Variants in NLGN1 observed in about 807,000 individuals in gnomAD.
NLGN1 encodes neuroligin 1.
In NLGN1, 12 loss-of-function variants were observed where a neutral mutation model predicts 65.5. The observed-to-expected ratio is 0.18, with a 90% CI of 0.12 to 0.30. The LOEUF is 0.30. Ranked by LOEUF, NLGN1 falls within the 10% of genes least tolerant of loss-of-function variation. The pLI is 1.00. For synonymous variants in NLGN1, 350 were observed against 359.5 expected (o/e 0.97, Z 0.30); for missense variants, 750 against 1,007.1 (o/e 0.74, Z 3.46).
At chr3:173,615,955 T>G (rs1752995065) in intron 3 of NLGN1, among the ~76,000 whole-genome samples, 1 of 151,708 alleles carries the variant, frequency 6.6e-6, no homozygotes, top group Non-Finnish European at 1.5e-5. Flanking sequence ...GATACTGAGA[T>G]AAAAAAAGGC....
At chr3:173,661,406 A>G (rs1193500414) in intron 3 of NLGN1, among the ~76,000 whole-genome samples, 2 of 151,936 alleles carry the variant, frequency 1.3e-5, no homozygotes, top group Admixed American at 6.6e-5. Context: ...GAGCATTTGG[A>G]TTTGACTGTA....
chr3:173,640,102 A>G (rs1757174426), intron 3 of NLGN1, among the ~76,000 whole-genome samples: 2 of 152,210 alleles, frequency 1.3e-5, no homozygotes, highest in Admixed American at 6.5e-5. Context: ...AACGGGGTGC[A>G]TAATATAATG....
At chr3:173,717,526 C>T (rs1770070332) in intron 3 of NLGN1, among the ~76,000 whole-genome samples, 1 of 152,084 alleles carries the variant, frequency 6.6e-6, no homozygotes, top group Non-Finnish European at 1.5e-5. Context: ...GTTACCTGTG[C>T]TTGTAGGTTA....
Position 173,762,965 on chromosome 3 carries a change from T to TATACACAC in NLGN1, c.494-44714_494-44713insTACACACA, listed in dbSNP as rs1553841358. Reference sequence around the variant, plus strand: ...TGGGATTGTGTAAATTTGTCTCTGATACACACACACACACACACACACACA... The same window carrying TATACACAC: ...TGGGATTGTGTAAATTTGTCTCTGATATACACACACACACACACACACACACACACACA... On this transcript the variant is annotated intron_variant, in intron 3 of 6. Transcript: ENST00000457714. Among the ~76,000 whole-genome samples the TATACACAC allele has an allele frequency of 2.1e-5, 3 of 143,360 alleles. No homozygotes were observed. The East Asian group carries it at 6.3e-4, about 30-fold the overall frequency. 94.0% of individuals were successfully genotyped at this position (143,360 alleles called of 152,430 possible).
downstream of NLGN1, among the ~76,000 whole-genome samples, chr3:174,288,495 C>CT (rs1177735064): frequency 1.1e-4 from 17 of 150,732 alleles, no homozygotes; most frequent in African/African-American, 2.7e-4. Flanking sequence ...ATTTCTTGCT[C>CT]TTTTTTTTTC....
chr3:174,059,451 G>A (rs779944523), intron 4 of NLGN1, among the ~76,000 whole-genome samples: 1 of 152,112 alleles, frequency 6.6e-6, no homozygotes, highest in Non-Finnish European at 1.5e-5. Context: ...CAACAAAGGA[G>A]TTAAGTAATC....
At chr3:173,477,705 A>G (rs973011186) in intron 2 of NLGN1, among the ~76,000 whole-genome samples, 2 of 152,192 alleles carry the variant, frequency 1.3e-5, no homozygotes, top group Non-Finnish European at 2.9e-5. Flanking sequence ...TAAGAAGTTC[A>G]TCATGCATTT....
chr3:173,972,426 A>G lies in NLGN1; in HGVS notation c.646+164594A>G, dbSNP rs79977450. ...AATGAATGCAAAGGCGCAGAAGAAC[A>G]TAGAAATAAATAATGTACAAATCAC... On this transcript the variant is annotated intron_variant, in intron 4 of 6. Coordinates refer to ENST00000457714, the Ensembl canonical transcript of NLGN1. Among the ~76,000 whole-genome samples, 399 of 152,288 alleles carry G rather than the reference A, an allele frequency of 2.6e-3. 7 individuals carry two copies. The East Asian group carries it at 0.039, about 15-fold the overall frequency.
At position 174,272,203 on chromosome 3, in the gene NLGN1, A is replaced by G. The variant is rs552597669; in HGVS notation, c.647-3112A>G. Among the ~76,000 whole-genome samples, 4 of 151,844 alleles carry G rather than the reference A, an allele frequency of 2.6e-5. No homozygotes were observed. The East Asian group carries it at 7.8e-4, about 29-fold the overall frequency. ...ATGAAGTGAGGACTCTGCAAAATTG[A>G]GTTCCCCCAATGACTGGACTATAGT... On this transcript the variant is annotated intron_variant, in intron 4 of 6. Coordinates refer to ENST00000457714, the Ensembl canonical transcript of NLGN1.
At chr3:173,418,083 CATAA>C (rs1364949412) in intron 1 of NLGN1, among the ~76,000 whole-genome samples, 1 of 150,754 alleles carries the variant, frequency 6.6e-6, no homozygotes, top group Admixed American at 6.6e-5. Context: ...AGTATATATA[CATAA>C]ATAAAATATA....
intron 4 of NLGN1, among the ~76,000 whole-genome samples, chr3:173,827,026 A>G (rs1371442351): frequency 6.6e-6 from 1 of 152,074 alleles, no homozygotes; most frequent in Non-Finnish European, 1.5e-5. Flanking sequence ...TGGAAAATCT[A>G]CCTCTGATTA....
At chr3:174,063,141 A>G (rs1199391708) in intron 4 of NLGN1, among the ~76,000 whole-genome samples, 5 of 152,186 alleles carry the variant, frequency 3.3e-5, no homozygotes, top group Non-Finnish European at 7.4e-5. Context: ...AAACAATAAT[A>G]TGGAATACAG....
At chr3:173,519,309 T>A (rs1215366720) in intron 2 of NLGN1, among the ~76,000 whole-genome samples, 2 of 150,666 alleles carry the variant, frequency 1.3e-5, no homozygotes, top group African/African-American at 4.9e-5. Flanking sequence ...CCACAGAGAG[T>A]CCCCATTGGG....
At chr3:173,457,444 G>C (rs893250654) in intron 2 of NLGN1, among the ~76,000 whole-genome samples, 1 of 152,026 alleles carries the variant, frequency 6.6e-6, no homozygotes, top group Admixed American at 6.6e-5. Context: ...TGGGAAATTG[G>C]GGGAGAGATG....
At chr3:173,460,102 G>A (rs568023200) in intron 2 of NLGN1, among the ~76,000 whole-genome samples, 1 of 151,800 alleles carries the variant, frequency 6.6e-6, no homozygotes, top group African/African-American at 2.4e-5. Context: ...TACTAATGTA[G>A]GCCTGGTACT....
intron 3 of NLGN1, among the ~76,000 whole-genome samples, chr3:173,769,631 A>G (rs1352288981): frequency 2.0e-5 from 3 of 152,326 alleles, no homozygotes; most frequent in Middle Eastern, 3.4e-3. Context: ...ATTTATGCCA[A>G]TTCATCCAAG....
intron 4 of NLGN1, among the ~76,000 whole-genome samples, chr3:174,081,718 T>G (rs985704850): frequency 4.6e-5 from 7 of 150,944 alleles, no homozygotes; most frequent in Admixed American, 1.3e-4. Flanking sequence ...ATTACAGACA[T>G]GTGCCACCAC....
At chr3:174,094,960 T>C (rs1745196570) in intron 4 of NLGN1, among the ~76,000 whole-genome samples, 1 of 152,128 alleles carries the variant, frequency 6.6e-6, no homozygotes, top group African/African-American at 2.4e-5. Flanking sequence ...CAGCCATTTC[T>C]GTCTGTCTTG....
chr3:174,259,006 T>G (rs973259912), intron 4 of NLGN1, among the ~76,000 whole-genome samples: 1 of 152,170 alleles, frequency 6.6e-6, no homozygotes, highest in African/African-American at 2.4e-5. Flanking sequence ...TTAAAATCAC[T>G]AAATCAGTCA....
Sources: allele counts gnomAD v4.1 joint callset (sites outside exome capture counted in the v4.1 genomes callset), GRCh38; gene constraint gnomAD v4.1.1; transcripts MANE v1.5; gene names NCBI Gene and HGNC (gene_info 2026-07-23, HGNC 2026-07-21).